The following VIT variants were observed in gnomAD, a reference collection of about 807,000 sequenced individuals.
VIT encodes the protein vitrin.
Under a neutral mutation model 78.0 loss-of-function variants are expected in VIT, and 99 were observed. That is an observed-to-expected ratio of 1.27 (90% confidence interval 1.08 to 1.50). The LOEUF (loss-of-function observed/expected upper bound fraction) is 1.50. Among genes scored for constraint, VIT ranks in the 40% most tolerant of loss-of-function variants. VIT has a pLI of 0.00. For synonymous variants in VIT, 374 were observed against 334.3 expected (o/e 1.12, Z -1.29); for missense variants, 1,126 against 875.3 (o/e 1.29, Z -3.61).
intron 12 of VIT, among the ~76,000 whole-genome samples, chr2:36,792,141 G>T (rs903716251): frequency 1.2e-4 from 19 of 152,144 alleles, no homozygotes; most frequent in African/African-American, 4.6e-4. Flanking sequence ...AATCTGGCAA[G>T]GGGATGAGAC....
At chr2:36,698,320 C>T (rs1664799152) in intron 1 of VIT, among the ~76,000 whole-genome samples, 1 of 152,142 alleles carries the variant, frequency 6.6e-6, no homozygotes, top group Admixed American at 6.5e-5. Flanking sequence ...GTCTTTTCCA[C>T]CAAGTTACTG....
rs746244457 is a variant in VIT, at chr2:36,781,713, A to G, written c.803-14A>G. On this transcript the variant is annotated splice_polypyrimidine_tract_variant and intron_variant, in intron 9 of 15. Transcript: ENST00000379242. ...TAAGTAACAAGTTTGTTTCTTTTCA[A>G]TTTTGAAAATCAGGAGAGATGGACT... 1.9e-6 allele frequency: 3 copies of G among 1,613,908 alleles called. No homozygotes were observed. The highest frequency in any genetic ancestry group is 2.5e-6 in the Non-Finnish European group (3 of 1,179,988).
intron 14 of VIT, among the ~76,000 whole-genome samples, chr2:36,807,155 T>C (rs1666789969): frequency 6.6e-6 from 1 of 152,076 alleles, no homozygotes; most frequent in Non-Finnish European, 1.5e-5. Flanking sequence ...CTGGTCCTTC[T>C]CCCTCCTGGT....
intron 2 of VIT, among the ~76,000 whole-genome samples, chr2:36,727,839 C>T (rs1003146289): frequency 3.9e-5 from 6 of 152,168 alleles, no homozygotes; most frequent in African/African-American, 1.4e-4. Context: ...CGCCAGCTGC[C>T]AAATAAATGT....
At chr2:36,697,183 C>G (rs1336976695) in intron 1 of VIT, among the ~76,000 whole-genome samples, 3 of 152,104 alleles carry the variant, frequency 2.0e-5, no homozygotes, top group Non-Finnish European at 1.5e-5. Context: ...AAATAAACTG[C>G]ATTGATATTA....
In VIT at chr2:36,699,962, ACT is replaced by A. The variant is rs539293132; in HGVS notation, c.-19+2990_-19+2991del. On this transcript the variant is annotated intron_variant, in intron 1 of 15. Transcript: ENST00000379242. ...TCATCTATAAAATGGGTCTATTACTACTGCCTACCCCACAGAGCTGTGGCAAA... is the reference window on the plus strand; with the variant it reads ...TCATCTATAAAATGGGTCTATTACTAGCCTACCCCACAGAGCTGTGGCAAA... Among the ~76,000 whole-genome samples the A allele has an allele frequency of 1.7e-3, 255 of 152,220 alleles. 2 individuals carry two copies. The highest frequency in any genetic ancestry group is 5.8e-3 in the African/African-American group (241 of 41,506).
chr2:36,804,995 G>A (rs1666602203), intron 13 of VIT, among the ~76,000 whole-genome samples: 1 of 152,082 alleles, frequency 6.6e-6, no homozygotes. Context: ...CATAAAAATA[G>A]TTGAAGTGAT....
chr2:36,733,886 T>G (rs960662749), intron 3 of VIT, among the ~76,000 whole-genome samples: 4 of 152,228 alleles, frequency 2.6e-5, no homozygotes, highest in African/African-American at 9.6e-5. Context: ...CTTGATCATC[T>G]AACCGTTAGC....
intron 6 of VIT, among the ~76,000 whole-genome samples, chr2:36,765,232 A>G (rs1255730442): frequency 6.6e-6 from 1 of 152,132 alleles, no homozygotes; most frequent in Non-Finnish European, 1.5e-5. Flanking sequence ...ATTATTTCAC[A>G]TCCATAGAGG....
chr2:36,766,592 A>G (rs941294888), intron 6 of VIT, among the ~76,000 whole-genome samples: 5 of 152,080 alleles, frequency 3.3e-5, no homozygotes, highest in Non-Finnish European at 7.4e-5. Flanking sequence ...CTATTACCCC[A>G]TTTTACAGAT....
At chr2:36,780,048 A>G (rs1343346914) in intron 9 of VIT, among the ~76,000 whole-genome samples, 2 of 152,206 alleles carry the variant, frequency 1.3e-5, no homozygotes, top group Non-Finnish European at 2.9e-5. Flanking sequence ...CCAGAATACA[A>G]ATGTTCTCAC....
intron 2 of VIT, among the ~76,000 whole-genome samples, chr2:36,718,395 C>T (rs569567357): frequency 1.3e-5 from 2 of 152,186 alleles, no homozygotes; most frequent in Non-Finnish European, 2.9e-5. Context: ...GGGTTCTAGT[C>T]CTGACTCCAC....
At chr2:36,776,846 T>G (rs928535533) in intron 9 of VIT, among the ~76,000 whole-genome samples, 4 of 151,652 alleles carry the variant, frequency 2.6e-5, no homozygotes, top group Admixed American at 1.3e-4. Flanking sequence ...TCCCAGCACT[T>G]TGGGAGGCCA....
intron 12 of VIT, chr2:36,787,815 C>T (rs1665211292): frequency 2.2e-6 from 1 of 456,298 alleles, no homozygotes. Flanking sequence ...TGGAAAAACT[C>T]ACCAGGCAAT....
intron 14 of VIT, among the ~76,000 whole-genome samples, chr2:36,807,139 C>G (rs1477619724): frequency 6.6e-6 from 1 of 152,194 alleles, no homozygotes; most frequent in African/African-American, 2.4e-5. Flanking sequence ...AGCTGGTACC[C>G]TCCATCTGGT....
chr2:36,749,003 G>A (rs1308880980), intron 4 of VIT, among the ~76,000 whole-genome samples: 4 of 152,186 alleles, frequency 2.6e-5, no homozygotes, highest in Non-Finnish European at 5.9e-5. Context: ...CGACCTTACT[G>A]TGGAGGGATG....
intron 7 of VIT, among the ~76,000 whole-genome samples, chr2:36,769,969 T>G (rs1669649430): frequency 6.6e-6 from 1 of 152,238 alleles, no homozygotes; most frequent in Non-Finnish European, 1.5e-5. Flanking sequence ...AGTCATGTTT[T>G]TCCTTCAAAT....
chr2:36,781,867 G>T lies in VIT; in HGVS notation c.847+96G>T, dbSNP rs555949462. ...ATAATCCAGCTGGCATAGCGGCCGAGCTCCACTAGCCTAGGATTTCTAATG... is the reference window on the plus strand; with the variant it reads ...ATAATCCAGCTGGCATAGCGGCCGATCTCCACTAGCCTAGGATTTCTAATG... On this transcript the variant is annotated intron_variant, in intron 10 of 15. Coordinates refer to ENST00000379242, the MANE Select transcript of VIT (RefSeq NM_053276.4). 3.3e-5 allele frequency: 48 copies of T among 1,455,096 alleles called. No homozygotes were observed. In the African/African-American group the frequency reaches 6.4e-4, roughly 19 times the overall value. The allele number at this position is 1,455,096 out of a possible 1,614,324, so 90.1% of individuals were successfully genotyped here.
At chr2:36,771,029 C>G (rs1669718380) in intron 7 of VIT, among the ~76,000 whole-genome samples, 1 of 152,226 alleles carries the variant, frequency 6.6e-6, no homozygotes, top group African/African-American at 2.4e-5. Context: ...CAGCTCATTC[C>G]TTCCACATAC....
Sources: gnomAD v4.1 joint callset for allele counts (sites outside exome capture counted in the v4.1 genomes callset) on GRCh38, gnomAD v4.1.1 for gene constraint, MANE v1.5 for transcripts, NCBI Gene and HGNC (gene_info 2026-07-23, HGNC 2026-07-21) for gene names.